The following SF3B1 variants were observed in gnomAD, a reference collection of about 807,000 sequenced individuals.
The protein encoded by SF3B1 is splicing factor 3b subunit 1.
A neutral mutation model predicts 153.8 loss-of-function variants in SF3B1; 12 were observed. The ratio of observed to expected loss-of-function variants is 0.08; its 90% CI spans 0.05 to 0.13. SF3B1 has a LOEUF of 0.13. Among genes scored for constraint, SF3B1 ranks in the 10% least tolerant of loss-of-function variants. The pLI, the probability that SF3B1 is intolerant of heterozygous loss-of-function variation, is 1.00. For missense variants in SF3B1, 513 were observed against 1,606.1 expected, an observed-to-expected ratio of 0.32 and a Z score of 11.63; for synonymous variants, 498 against 525.2, an observed-to-expected ratio of 0.95 and a Z score of 0.71.
intron 6 of SF3B1, among the ~76,000 whole-genome samples, chr2:197,412,107 C>CAAAA (rs397987243): frequency 1.2e-5 from 1 of 81,698 alleles, no homozygotes; most frequent in African/African-American, 5.0e-5. Flanking sequence ...GACTCTGTCT[C>CAAAA]AAAAAAAAAA....
At position 197,402,247 on chromosome 2, in the gene SF3B1, A is replaced by G; in HGVS notation, c.2078-117T>C. The G allele has an allele frequency of 7.9e-7, 1 of 1,267,308 alleles. No homozygotes were observed. Among genetic ancestry groups the G allele is most frequent in the African/African-American group, 1.5e-5 (1 of 66,594 alleles). The allele number at this position is 1,267,308 out of a possible 1,614,324, so 78.5% of individuals were successfully genotyped here. On this transcript the variant is annotated intron_variant, in intron 14 of 24. Transcript: ENST00000335508. The surrounding 1 kb of genome is among the most constrained non-coding windows in gnomAD (Gnocchi z 4.6). ...CCAAACTGCAGAATATGTTCACATT[A>G]AACAAAATTAGGTAAAAGCAAAACA...
At chr2:197,424,683 T>C (rs1417257469) in intron 1 of SF3B1, among the ~76,000 whole-genome samples, 2 of 152,236 alleles carry the variant, frequency 1.3e-5, no homozygotes, top group African/African-American at 4.8e-5. Context: ...TTCCATTTTG[T>C]AGTCTTTCCT....
intron 9 of SF3B1, among the ~76,000 whole-genome samples, chr2:197,407,600 A>G: frequency 6.9e-6 from 1 of 144,846 alleles, no homozygotes; most frequent in Admixed American, 7.0e-5. Flanking sequence ...GTGAGACTCC[A>G]TCTTTTAAAA....
chr2:197,409,241 A>C (rs1240701485), intron 7 of SF3B1, among the ~76,000 whole-genome samples: 1 of 152,114 alleles, frequency 6.6e-6, no homozygotes, highest in East Asian at 1.9e-4. Context: ...CTCTACTAAA[A>C]ATACAAAATT....
intron 6 of SF3B1, among the ~76,000 whole-genome samples, chr2:197,413,850 A>ACT (rs1185793101): frequency 3.3e-5 from 5 of 151,926 alleles, no homozygotes; most frequent in Admixed American, 1.3e-4. Context: ...CTGTGTCGCA[A>ACT]GACTGAAGTG....
intron 9 of SF3B1, among the ~76,000 whole-genome samples, chr2:197,407,089 A>G (rs2085003039): frequency 1.3e-5 from 2 of 152,116 alleles, no homozygotes. Flanking sequence ...CCCTGTCTCT[A>G]AAACAAAACA....
rs1346093602 is a variant in SF3B1, at chr2:197,434,488, C to T, written c.28+484G>A. 3.9e-5 allele frequency among the ~76,000 whole-genome samples: 6 copies of T among 152,202 alleles called. No individual in the cohort carries two copies. The East Asian group carries it at 1.2e-3, about 29-fold the overall frequency. The stretch of plus-strand genomic sequence containing the variant: ...TCGTGCAAGAAAAATAAACAAGTAA[C>T]TGACGCTTGAAGACACACAAGGGTA... On this transcript the variant is annotated intron_variant, in intron 1 of 24. Transcript: ENST00000335508.
intron 7 of SF3B1, 73 bp from the exon 8 acceptor site, chr2:197,408,654 T>C: frequency 9.6e-7 from 1 of 1,044,522 alleles, no homozygotes; most frequent in Admixed American, 1.9e-5. Flanking sequence ...TCTCAAACAG[T>C]TATACTCAAA....
chr2:197,424,067 C>G, intron 1 of SF3B1, 93 bp from the exon 2 acceptor site: 1 of 1,022,684 alleles, frequency 9.8e-7, no homozygotes, highest in Non-Finnish European at 1.5e-6. Flanking sequence ...TCAAAATACT[C>G]TCTTAAATAC....
chr2:197,407,562 G>A lies in SF3B1; in HGVS notation c.1239+436C>T, dbSNP rs1011584338. 1.5e-4 allele frequency among the ~76,000 whole-genome samples: 23 copies of A among 148,866 alleles called. No individual in the cohort carries two copies. The East Asian group carries it at 1.8e-3, about 11-fold the overall frequency. Reference sequence around the variant, plus strand: ...GGAGGTTGCAATGAGCCGAAATCACGCCACTGCACTTCAGCCTGGGCAACA... The same window carrying A: ...GGAGGTTGCAATGAGCCGAAATCACACCACTGCACTTCAGCCTGGGCAACA... On this transcript the variant is annotated intron_variant, in intron 9 of 24. Transcript: ENST00000335508.
At chr2:197,404,646 T>C (rs1006843625) in intron 11 of SF3B1, 2 of 152,316 alleles carry the variant, frequency 1.3e-5, no homozygotes, top group Non-Finnish European at 2.9e-5. Flanking sequence ...ACATAAATTT[T>C]TTCCCCTCAT....
intron 6 of SF3B1, among the ~76,000 whole-genome samples, chr2:197,415,520 C>T (rs2085135341): frequency 6.6e-6 from 1 of 152,096 alleles, no homozygotes; most frequent in African/African-American, 2.4e-5. Context: ...TCCCAAAATG[C>T]TGGGATTACA....
chr2:197,408,681 A>G (rs190292270), intron 7 of SF3B1, 100 bp from the exon 8 acceptor site: 7 of 830,780 alleles, frequency 8.4e-6, no homozygotes, highest in Non-Finnish European at 9.6e-6. Context: ...AAGTTCTAAA[A>G]TAGAATATTC....
intron 11 of SF3B1, 110 bp downstream of exon 11, chr2:197,404,966 T>G: frequency 2.4e-5 from 17 of 714,190 alleles, no homozygotes; most frequent in Non-Finnish European, 3.4e-5. Context: ...GAGGATCACT[T>G]GAGACCAGCC....
intron 1 of SF3B1, 116 bp downstream of exon 1, chr2:197,434,856 G>T: frequency 8.5e-7 from 1 of 1,172,396 alleles, no homozygotes; most frequent in South Asian, 1.3e-5. Context: ...CCTTGGCCCC[G>T]AAACGCGGGC....
chr2:197,407,292 C>G (rs540031648), intron 9 of SF3B1, among the ~76,000 whole-genome samples: 45 of 152,034 alleles, frequency 3.0e-4, no homozygotes, highest in Admixed American at 3.3e-4. Flanking sequence ...TTTTATAGTT[C>G]AAAATAAATT....
Position 197,402,539 on chromosome 2 carries a change from G to A in SF3B1, c.2077+17C>T, listed in dbSNP as rs776512837. On this transcript the variant is annotated intron_variant, in intron 14 of 24. Transcript: ENST00000335508. The surrounding 1 kb of genome is among the most constrained non-coding windows in gnomAD (Gnocchi z 4.6). ...CTAAAGAAAAAAAAAAAAAGACAAAGTTACATTACAACTTACCATGTTCAA... is the reference window on the plus strand; with the variant it reads ...CTAAAGAAAAAAAAAAAAAGACAAAATTACATTACAACTTACCATGTTCAA... The A allele has an allele frequency of 4.4e-6, 7 of 1,581,478 alleles. No homozygotes were observed. The highest frequency in any genetic ancestry group is 2.3e-5 in the South Asian group (2 of 86,400).
chr2:197,412,425 G>A (rs1312268708), intron 6 of SF3B1, among the ~76,000 whole-genome samples: 1 of 151,218 alleles, frequency 6.6e-6, no homozygotes, highest in Non-Finnish European at 1.5e-5. Flanking sequence ...GCGCAGTCTC[G>A]GCTCCCTGCA....
chr2:197,392,502 A>C (rs776012728), intron 24 of SF3B1, 41 bp from the exon 25 acceptor site: 2 of 881,662 alleles, frequency 2.3e-6, no homozygotes, highest in Non-Finnish European at 3.4e-6. Flanking sequence ...ATTTTTAAGA[A>C]CATACATAAC....
Sources: allele counts gnomAD v4.1 joint callset (sites outside exome capture counted in the v4.1 genomes callset), GRCh38; gene constraint gnomAD v4.1.1; non-coding constraint Gnocchi (gnomAD v3.1); transcripts MANE v1.5; gene names NCBI Gene and HGNC (gene_info 2026-07-23, HGNC 2026-07-21).